The following ZNF613 variants were observed in gnomAD, a reference collection of about 807,000 sequenced individuals.
ZNF613 encodes the protein zinc finger protein 613.
In ZNF613, 8 loss-of-function variants were observed where a neutral mutation model predicts 14.3. The ratio of observed to expected loss-of-function variants is 0.56; its 90% CI spans 0.33 to 1.01. The LOEUF is 1.01. Ranked by LOEUF, ZNF613 falls within the 50% of genes least tolerant of loss-of-function variation. ZNF613 has a pLI of 0.03. For synonymous variants in ZNF613, 228 were observed against 254.5 expected (o/e 0.90, Z 0.99); for missense variants, 656 against 741.9 (o/e 0.88, Z 1.35).
intron 3 of ZNF613, among the ~76,000 whole-genome samples, chr19:51,937,725 C>CT (rs557250619): frequency 0.026 from 2,708 of 105,116 alleles, 64 homozygotes; most frequent in African/African-American, 0.058. Flanking sequence ...TGTCTTTTTT[C>CT]TTTTTTTTTT....
At chr19:51,936,619 G>T (rs1286806778) in intron 3 of ZNF613, among the ~76,000 whole-genome samples, 1 of 152,130 alleles carries the variant, frequency 6.6e-6, no homozygotes, top group Non-Finnish European at 1.5e-5. Flanking sequence ...CTCCTAACTA[G>T]CTGGGAGTGT....
chr19:51,944,738 G>T lies in ZNF613; in HGVS notation c.855G>T (p.Glu285Asp), dbSNP rs190361975. 3.7e-5 allele frequency: 59 copies of T among 1,613,590 alleles called. No homozygotes were observed. The East Asian group carries it at 1.2e-3, about 34-fold the overall frequency. The change falls in exon 6 of 6, where the codon GAG becomes GAT. Residue 285 changes from glutamate to aspartate, a missense_variant. Transcript: ENST00000293471. ...LNAHQKIHTG[E>D]KSYICSDCGK... Reference sequence around the variant, plus strand: ...CACACCAGAAAATTCATACAGGAGAGAAGTCATATATATGCAGTGATTGTG... The same window carrying T: ...CACACCAGAAAATTCATACAGGAGATAAGTCATATATATGCAGTGATTGTG...
At chr19:51,940,118 T>C in intron 3 of ZNF613, 91 bp from the exon 4 acceptor site, 1 of 1,524,300 alleles carries the variant, frequency 6.6e-7, no homozygotes. Context: ...ATGCAGACTA[T>C]TTGGTAAAAA....
rs1490062049 is a variant in ZNF613, at chr19:51,936,068, G to A, written c.-153G>A. ...TTCAGGAGCAAGACACTTCAAGTGA[G>A]GTGAGGAGGAGGTTCCAGGACCTGG... On this transcript the variant is annotated 5_prime_UTR_variant, in exon 3 of 6. Coordinates refer to ENST00000293471, the MANE Select transcript of ZNF613 (RefSeq NM_001031721.4). 7 of 663,850 alleles carry A rather than the reference G, an allele frequency of 1.1e-5. No individual in the cohort carries two copies. The highest frequency in any genetic ancestry group is 2.6e-4 in the Middle Eastern group (1 of 3,910). 41.1% of individuals were successfully genotyped at this position (663,850 alleles called of 1,614,324 possible).
At chr19:51,928,442 T>G (rs1326136648) in intron 1 of ZNF613, among the ~76,000 whole-genome samples, 2 of 152,228 alleles carry the variant, frequency 1.3e-5, no homozygotes, top group African/African-American at 2.4e-5. Flanking sequence ...ACATTCCCTC[T>G]CAGTCCCTTT....
Position 51,945,125 on chromosome 19 carries a change from C to T in ZNF613, c.1242C>T (p.Asn414=). The T allele has an allele frequency of 6.2e-7, 1 of 1,614,076 alleles. No individual in the cohort carries two copies. Among genetic ancestry groups the T allele is most frequent in the Non-Finnish European group, 8.5e-7 (1 of 1,179,996 alleles). The stretch of plus-strand genomic sequence containing the variant: ...GAAAAGGCTTCATCCAAAAGGGCAA[C>T]CTCCTTATTCATCGACGTACTCACA... ...ECGKGFIQKG[N]LLIHRRTHTG... is the part of the protein sequence containing the mutation. The change falls in exon 6 of 6, where the codon AAC becomes AAT. Residue 414 remains asparagine (N), a synonymous_variant. Coordinates refer to ENST00000293471, the MANE Select transcript of ZNF613 (RefSeq NM_001031721.4).
chr19:51,945,890 G>C lies in ZNF613; in HGVS notation c.*153G>C, dbSNP rs2085397811. On this transcript the variant is annotated 3_prime_UTR_variant, in exon 6 of 6. Coordinates refer to ENST00000293471, the MANE Select transcript of ZNF613 (RefSeq NM_001031721.4). ...ATAAGCATATACTCAGAGAAAAATA[G>C]TATGAAGTGGAGACTGGGAAATTCT... 3.9e-6 allele frequency: 3 copies of C among 772,962 alleles called. No individual in the cohort carries two copies. Among genetic ancestry groups the C allele is most frequent in the South Asian group, 3.7e-5 (2 of 54,296 alleles). 47.9% of individuals were successfully genotyped at this position (772,962 alleles called of 1,614,324 possible).
intron 3 of ZNF613, among the ~76,000 whole-genome samples, chr19:51,938,655 A>G (rs2085322800): frequency 6.6e-6 from 1 of 151,240 alleles, no homozygotes; most frequent in Admixed American, 6.6e-5. Flanking sequence ...TTCTTTTTCC[A>G]TGTTCAAAGC....
Position 51,936,015 on chromosome 19 carries a change from A to G in ZNF613, c.-193-13A>G, listed in dbSNP as rs1365505159. On this transcript the variant is annotated splice_polypyrimidine_tract_variant and intron_variant, in intron 2 of 5. Coordinates refer to ENST00000293471, the MANE Select transcript of ZNF613 (RefSeq NM_001031721.4). Reference sequence around the variant, plus strand: ...CTGCAGGGAATGTACACTCAAATCAATTTACTCTTCAGCCCACAGGTCCTG... The same window carrying G: ...CTGCAGGGAATGTACACTCAAATCAGTTTACTCTTCAGCCCACAGGTCCTG... 2.2e-6 allele frequency: 1 copy of G among 455,270 alleles called. No individual in the cohort carries two copies. The highest frequency in any genetic ancestry group is 3.3e-5 in the East Asian group (1 of 29,890). 28.2% of individuals were successfully genotyped at this position (455,270 alleles called of 1,614,324 possible).
At chr19:51,936,514 G>T (rs1044824435) in intron 3 of ZNF613, among the ~76,000 whole-genome samples, 1 of 151,988 alleles carries the variant, frequency 6.6e-6, no homozygotes, top group Non-Finnish European at 1.5e-5. Context: ...TTTGAGACAG[G>T]GTCTCACTTT....
rs1447684648 is a variant in ZNF613 at position 51,944,565 on chromosome 19, G to T, written c.682G>T (p.Gly228Trp). ...CATCTATCATCAGAGAGTTCACACT[G>T]GGGAGAAACCTCATGGATGCAGTAT... ...RLIYHQRVHT[G>W]EKPHGCSICG... Residue 228 changes from glycine to tryptophan, a missense_variant, in exon 6 of 6, where the codon GGG (glycine) becomes TGG (tryptophan). Transcript: ENST00000293471. 1 of 1,614,138 alleles carries T rather than the reference G, an allele frequency of 6.2e-7. No individual in the cohort carries two copies. Among genetic ancestry groups the T allele is most frequent in the South Asian group, 1.1e-5 (1 of 91,088 alleles).
intron 2 of ZNF613, among the ~76,000 whole-genome samples, chr19:51,931,598 CT>C (rs1431799985): frequency 5.3e-5 from 8 of 152,160 alleles, no homozygotes; most frequent in African/African-American, 9.6e-5. Context: ...TTTCATAGAA[CT>C]TTTTTTTCTT....
chr19:51,935,490 CAATGTTGG>C (rs2085299096), intron 2 of ZNF613, among the ~76,000 whole-genome samples: 1 of 152,082 alleles, frequency 6.6e-6, no homozygotes, highest in Non-Finnish European at 1.5e-5. Flanking sequence ...AGCCTTAGGT[CAATGTTGG>C]AATGGGAAAT....
chr19:51,944,208 T>G lies in ZNF613; in HGVS notation c.325T>G (p.Phe109Val). 1 of 1,609,120 alleles carries G rather than the reference T, an allele frequency of 6.2e-7. No homozygotes were observed. The highest frequency in any genetic ancestry group is 8.5e-7 in the Non-Finnish European group (1 of 1,176,900). Reference sequence around the variant, plus strand: ...GGAACAATGCCATAAACATAATGCATTTGGAAACATCATTCATCAGAGGAA... The same window carrying G: ...GGAACAATGCCATAAACATAATGCAGTTGGAAACATCATTCATCAGAGGAA... ...RVEQCHKHNA[F>V]GNIIHQRKSD... The change falls in exon 6 of 6, where the codon TTT becomes GTT. Residue 109 changes from phenylalanine to valine, a missense_variant. By Grantham distance (50) the Phe-to-Val change is conservative. Transcript: ENST00000293471.
chr19:51,932,144 C>T (rs554203858), intron 2 of ZNF613, among the ~76,000 whole-genome samples: 5 of 152,106 alleles, frequency 3.3e-5, no homozygotes, highest in East Asian at 3.9e-4. Flanking sequence ...AGGAGCCCAG[C>T]GCCAGGGAAT....
chr19:51,941,622 A>T (rs1028335222), intron 5 of ZNF613, among the ~76,000 whole-genome samples: 1 of 151,962 alleles, frequency 6.6e-6, no homozygotes, highest in African/African-American at 2.4e-5. Flanking sequence ...CTCTGTTCTC[A>T]TATCCTTTAA....
intron 2 of ZNF613, among the ~76,000 whole-genome samples, chr19:51,934,287 C>T (rs1187320404): frequency 6.6e-6 from 1 of 152,040 alleles, no homozygotes; most frequent in Non-Finnish European, 1.5e-5. Flanking sequence ...GCCATTTTTA[C>T]TCAATGAGAT....
Position 51,943,580 on chromosome 19 carries a change from A to G in ZNF613, c.236-539A>G, listed in dbSNP as rs11667312. The stretch of plus-strand genomic sequence containing the variant: ...AAGAGTGTGATGCTGGCCTATTGTT[A>G]TAATTCTTCTATTTTATTATTTGTT... On this transcript the variant is annotated intron_variant, in intron 5 of 5. Coordinates refer to ENST00000293471, the MANE Select transcript of ZNF613 (RefSeq NM_001031721.4). Among the ~76,000 whole-genome samples, 116 of 152,330 alleles carry G rather than the reference A, an allele frequency of 7.6e-4. 1 individual carries two copies. The South Asian group carries it at 8.7e-3, about 11-fold the overall frequency.
In ZNF613 at chr19:51,944,545, A is replaced by T; in HGVS notation, c.662A>T (p.Tyr221Phe). 6.2e-7 allele frequency: 1 copy of T among 1,614,158 alleles called. No homozygotes were observed. Among genetic ancestry groups the T allele is most frequent in the East Asian group, 2.2e-5 (1 of 44,886 alleles). Residue 221 changes from tyrosine (Y) to phenylalanine (F), a missense_variant, in exon 6 of 6, where the codon TAT (tyrosine) becomes TTT (phenylalanine). Transcript: ENST00000293471. ...KAFLKKSRLI[Y>F]HQRVHTGEKP... ...TTCCTCAAGAAGTCTCGCCTCATCT[A>T]TCATCAGAGAGTTCACACTGGGGAG...
Sources: allele counts gnomAD v4.1 joint callset (sites outside exome capture counted in the v4.1 genomes callset), GRCh38; gene constraint gnomAD v4.1.1; transcripts MANE v1.5; gene names NCBI Gene and HGNC (gene_info 2026-07-23, HGNC 2026-07-21).